The following ADGRB3 variants were observed in gnomAD, a reference collection of about 807,000 sequenced individuals.
The protein encoded by ADGRB3 is brain-specific angiogenesis inhibitor 3.
In ADGRB3, 37 loss-of-function variants were observed where a neutral mutation model predicts 193.4. That is an observed-to-expected ratio of 0.19 (90% CI 0.15 to 0.25). ADGRB3 has a LOEUF of 0.25. ADGRB3 is among the 10% of genes least tolerant of loss of function. The probability of loss-of-function intolerance (pLI) is 1.00; values close to 1 mark genes in which losing one functional copy is unlikely to be tolerated. For synonymous variants in ADGRB3, 690 were observed against 644.2 expected (o/e 1.07, Z -1.08); for missense variants, 1,637 against 1,852.9 (o/e 0.88, Z 2.14).
chr6:68,961,315 A>G (rs1403986856), intron 8 of ADGRB3, among the ~76,000 whole-genome samples: 3 of 152,152 alleles, frequency 2.0e-5, no homozygotes, highest in Non-Finnish European at 4.4e-5. Context: ...GTCTGATGTA[A>G]AACCAGGCAC....
chr6:68,981,787 CTGTTTT>C (rs1351018639), intron 10 of ADGRB3, among the ~76,000 whole-genome samples: 1 of 151,432 alleles, frequency 6.6e-6, no homozygotes, highest in East Asian at 1.9e-4. Context: ...CACTTTGTTT[CTGTTTT>C]TAAGATCACA....
chr6:69,269,072 C>CA (rs1172746545), intron 20 of ADGRB3, among the ~76,000 whole-genome samples: 2 of 152,104 alleles, frequency 1.3e-5, no homozygotes, highest in Admixed American at 1.3e-4. Flanking sequence ...TAAATCATCA[C>CA]ATTTACACCT....
At chr6:69,276,210 T>G (rs1767300417) in intron 20 of ADGRB3, among the ~76,000 whole-genome samples, 1 of 152,208 alleles carries the variant, frequency 6.6e-6, no homozygotes, top group African/African-American at 2.4e-5. Context: ...AATGTCTCCA[T>G]TTATGCTTAG....
intron 17 of ADGRB3, among the ~76,000 whole-genome samples, chr6:69,199,951 G>C (rs1457368603): frequency 6.6e-6 from 1 of 151,632 alleles, no homozygotes. Flanking sequence ...TAAAGTTTTT[G>C]AGCCATTCAA....
intron 17 of ADGRB3, among the ~76,000 whole-genome samples, chr6:69,108,364 G>T (rs1361541451): frequency 6.7e-6 from 1 of 148,344 alleles, no homozygotes; most frequent in Non-Finnish European, 1.5e-5. Flanking sequence ...AGCTCCATTT[G>T]TAAATGGCAT....
intron 20 of ADGRB3, among the ~76,000 whole-genome samples, chr6:69,281,049 A>G (rs779183023): frequency 1.4e-4 from 22 of 152,228 alleles, no homozygotes; most frequent in Non-Finnish European, 2.2e-4. Context: ...AAAGGACAAT[A>G]CTACCTGGAG....
intron 3 of ADGRB3, among the ~76,000 whole-genome samples, chr6:68,711,554 T>C (rs780397596): frequency 1.3e-5 from 2 of 152,120 alleles, no homozygotes; most frequent in Non-Finnish European, 2.9e-5. Flanking sequence ...GCATAAATGG[T>C]CCTCTGCCAA....
At chr6:68,658,483 T>G (rs1768544094) in intron 3 of ADGRB3, among the ~76,000 whole-genome samples, 1 of 151,284 alleles carries the variant, frequency 6.6e-6, no homozygotes. Flanking sequence ...GTATCCTCAC[T>G]AATAAAAGGA....
intron 16 of ADGRB3, among the ~76,000 whole-genome samples, chr6:69,068,725 A>C (rs1771983661): frequency 1.3e-5 from 2 of 152,196 alleles, no homozygotes. Context: ...TCACATCTAT[A>C]AAAATAGTGT....
intron 16 of ADGRB3, among the ~76,000 whole-genome samples, chr6:69,064,845 T>A (rs940891293): frequency 6.6e-6 from 1 of 152,124 alleles, no homozygotes; most frequent in African/African-American, 2.4e-5. Context: ...AAAAATAGTG[T>A]TGAAATAGTC....
chr6:68,734,721 G>A (rs1437234692), intron 3 of ADGRB3, among the ~76,000 whole-genome samples: 1 of 151,986 alleles, frequency 6.6e-6, no homozygotes, highest in Non-Finnish European at 1.5e-5. Flanking sequence ...GTGTCTCTTA[G>A]AAACAACAAA....
At chr6:68,702,456 C>T (rs1765256804) in intron 3 of ADGRB3, among the ~76,000 whole-genome samples, 1 of 152,102 alleles carries the variant, frequency 6.6e-6, no homozygotes, top group East Asian at 1.9e-4. Context: ...TGATAAATTG[C>T]TTATGAGTCT....
chr6:69,265,730 TTCTA>T (rs1644660789), intron 20 of ADGRB3, among the ~76,000 whole-genome samples: 2 of 152,116 alleles, frequency 1.3e-5, no homozygotes, highest in African/African-American at 4.8e-5. Flanking sequence ...GCCACTTTGT[TTCTA>T]TCTTTCTATT....
In ADGRB3 at chr6:68,993,980, G is replaced by T. The variant is rs146686022; in HGVS notation, c.1929+18G>T. On this transcript the variant is annotated intron_variant, in intron 11 of 31. Transcript: ENST00000370598. ...GTGTCCAGGTAAGGGAGACAAGTTC[G>T]TGAAGGAAAGGGCTAGTGAAGATGC... The T allele has an allele frequency of 6.2e-7, 1 of 1,609,204 alleles. No individual in the cohort carries two copies. Among genetic ancestry groups the T allele is most frequent in the Admixed American group, 1.7e-5 (1 of 59,762 alleles).
At chr6:68,711,828 T>G (rs1201336238) in intron 3 of ADGRB3, among the ~76,000 whole-genome samples, 2 of 152,120 alleles carry the variant, frequency 1.3e-5, no homozygotes, top group African/African-American at 4.8e-5. Flanking sequence ...ATAAACATGT[T>G]TCTTACTCCT....
chr6:69,332,791 T>C (rs1768756769), intron 23 of ADGRB3, 132 bp from the exon 24 acceptor site: 1 of 1,435,362 alleles, frequency 7.0e-7, no homozygotes, highest in Non-Finnish European at 9.1e-7. Flanking sequence ...ACTTATAAAA[T>C]GTTTGAGAGT....
chr6:68,981,993 C>T (rs1428443458), intron 10 of ADGRB3, among the ~76,000 whole-genome samples: 1 of 151,964 alleles, frequency 6.6e-6, no homozygotes, highest in Non-Finnish European at 1.5e-5. Context: ...TCAAGCGATT[C>T]TCCTGCCTCA....
chr6:68,740,752 A>C (rs537780348), intron 3 of ADGRB3, among the ~76,000 whole-genome samples: 1 of 152,224 alleles, frequency 6.6e-6, no homozygotes, highest in African/African-American at 2.4e-5. Context: ...TATGTTGTGC[A>C]AAACTACCTT....
intron 15 of ADGRB3, among the ~76,000 whole-genome samples, chr6:69,059,927 T>A (rs556698929): frequency 1.3e-5 from 2 of 152,238 alleles, no homozygotes; most frequent in Admixed American, 1.3e-4. Context: ...AGTATTAAAA[T>A]GTTCCAAAGA....
Sources: allele counts gnomAD v4.1 joint callset (sites outside exome capture counted in the v4.1 genomes callset), GRCh38; gene constraint gnomAD v4.1.1; transcripts MANE v1.5; gene names NCBI Gene and HGNC (gene_info 2026-07-23, HGNC 2026-07-21).